The following DCC variants were observed in gnomAD, a reference collection of about 807,000 sequenced individuals.
DCC encodes netrin receptor DCC.
Under a neutral mutation model 172.5 loss-of-function variants are expected in DCC, and 58 were observed. That is an observed-to-expected ratio of 0.34 (90% CI 0.27 to 0.42). DCC has a LOEUF of 0.42. DCC is among the 10% of genes least tolerant of loss of function. The pLI, the probability that DCC is intolerant of heterozygous loss-of-function variation, is 1.00. For synonymous variants in DCC, 709 were observed against 644.5 expected (o/e 1.10, Z -1.52); for missense variants, 1,740 against 1,791.0 (o/e 0.97, Z 0.51).
chr18:52,415,578 G>T (rs1986992926), intron 1 of DCC, among the ~76,000 whole-genome samples: 1 of 152,132 alleles, frequency 6.6e-6, no homozygotes, highest in South Asian at 2.1e-4. Context: ...TAAATGCAAG[G>T]CTGGAAAGTG....
intron 25 of DCC, among the ~76,000 whole-genome samples, chr18:53,479,694 TA>T (rs2045809276): frequency 6.6e-6 from 1 of 152,174 alleles, no homozygotes; most frequent in Non-Finnish European, 1.5e-5. Context: ...TTGGTGAAAG[TA>T]AATATTTTAG....
intron 1 of DCC, among the ~76,000 whole-genome samples, chr18:52,522,212 A>G (rs2031841693): frequency 6.6e-6 from 1 of 152,232 alleles, no homozygotes; most frequent in South Asian, 2.1e-4. Flanking sequence ...CTACCTGTAC[A>G]TGGTTTTACC....
chr18:52,773,455 A>G (rs2037374884), intron 2 of DCC, among the ~76,000 whole-genome samples: 1 of 152,004 alleles, frequency 6.6e-6, no homozygotes, highest in Non-Finnish European at 1.5e-5. Context: ...ATTGATATAA[A>G]AAGTTTATAG....
chr18:52,737,730 G>C (rs2036751417), intron 1 of DCC, among the ~76,000 whole-genome samples: 1 of 152,112 alleles, frequency 6.6e-6, no homozygotes. Flanking sequence ...GGAAGCCAGA[G>C]AGCTAATAGA....
At chr18:52,984,169 A>G (rs2041255398) in intron 5 of DCC, among the ~76,000 whole-genome samples, 1 of 152,140 alleles carries the variant, frequency 6.6e-6, no homozygotes, top group Non-Finnish European at 1.5e-5. Context: ...TATGAGGTAT[A>G]ACAGAATGAT....
At chr18:53,174,820 T>A (rs372631420) in intron 8 of DCC, among the ~76,000 whole-genome samples, 22 of 151,796 alleles carry the variant, frequency 1.4e-4, no homozygotes, top group Non-Finnish European at 2.5e-4. Context: ...TCCCTAACTC[T>A]TTTTACGAGG....
At chr18:53,044,192 T>A (rs556865470) in intron 5 of DCC, among the ~76,000 whole-genome samples, 8 of 151,918 alleles carry the variant, frequency 5.3e-5, no homozygotes, top group African/African-American at 1.9e-4. Context: ...AAGAAGAGAA[T>A]TTGGAGTCAG....
At chr18:52,363,565 T>C (rs1409198285) in intron 1 of DCC, among the ~76,000 whole-genome samples, 2 of 152,194 alleles carry the variant, frequency 1.3e-5, no homozygotes, top group Non-Finnish European at 2.9e-5. Flanking sequence ...CAGGCAAAGA[T>C]GCAGTTCTCA....
intron 2 of DCC, among the ~76,000 whole-genome samples, chr18:52,803,817 AAAG>A (rs1342591154): frequency 6.6e-6 from 1 of 152,234 alleles, no homozygotes; most frequent in Admixed American, 6.5e-5. Context: ...GGAGTTTGTA[AAAG>A]AATAGGTAAT....
At chr18:52,697,899 C>T (rs1336571824) in intron 1 of DCC, among the ~76,000 whole-genome samples, 4 of 152,012 alleles carry the variant, frequency 2.6e-5, no homozygotes, top group African/African-American at 9.7e-5. Context: ...CTATATTTTT[C>T]TTCATTATCA....
chr18:53,225,866 TG>T (rs2056019594), intron 12 of DCC, among the ~76,000 whole-genome samples: 1 of 152,140 alleles, frequency 6.6e-6, no homozygotes, highest in African/African-American at 2.4e-5. Context: ...TTCAGTTTGA[TG>T]TTTTTCCAGG....
intron 28 of DCC, 53 bp downstream of exon 28, chr18:53,526,812 T>A: frequency 6.3e-7 from 1 of 1,599,266 alleles, no homozygotes; most frequent in Non-Finnish European, 8.6e-7. Flanking sequence ...TGACTGGCGC[T>A]GTGTAATAGC....
intron 5 of DCC, among the ~76,000 whole-genome samples, chr18:52,951,909 A>T (rs1205995305): frequency 6.6e-6 from 1 of 152,144 alleles, no homozygotes; most frequent in African/African-American, 2.4e-5. Flanking sequence ...CAAGTGTAGA[A>T]ATTTGCAGTG....
intron 1 of DCC, among the ~76,000 whole-genome samples, chr18:52,448,874 G>A (rs772942023): frequency 1.3e-5 from 2 of 152,194 alleles, no homozygotes; most frequent in Non-Finnish European, 2.9e-5. Context: ...TAGTTTCGTG[G>A]GATGTAAGGT....
At chr18:53,174,980 G>C (rs1373135038) in intron 8 of DCC, among the ~76,000 whole-genome samples, 2 of 152,082 alleles carry the variant, frequency 1.3e-5, no homozygotes, top group Admixed American at 6.6e-5. Context: ...TATTCACCAT[G>C]ATCAAGTGGG....
intron 9 of DCC, among the ~76,000 whole-genome samples, chr18:53,202,895 A>C (rs1049632843): frequency 6.6e-6 from 1 of 152,154 alleles, no homozygotes; most frequent in African/African-American, 2.4e-5. Context: ...TAAAAATATC[A>C]GTTGCCTGAA....
chr18:53,430,005 C>T (rs773230300), intron 21 of DCC, among the ~76,000 whole-genome samples: 3 of 152,012 alleles, frequency 2.0e-5, no homozygotes, highest in Admixed American at 6.6e-5. Flanking sequence ...GCCTGGTAAA[C>T]CGATCTTTTA....
chr18:52,607,464 G>A (rs1467405709), intron 1 of DCC, among the ~76,000 whole-genome samples: 2 of 152,128 alleles, frequency 1.3e-5, no homozygotes, highest in East Asian at 3.9e-4. Context: ...CAAATTCAAA[G>A]TGACCATAGA....
chr18:52,591,631 G>A (rs900764038), intron 1 of DCC, among the ~76,000 whole-genome samples: 2 of 151,726 alleles, frequency 1.3e-5, no homozygotes, highest in South Asian at 2.1e-4. Context: ...TTATTATTAC[G>A]TTTTGAGACA....
Sources: gnomAD v4.1 joint callset for allele counts (sites outside exome capture counted in the v4.1 genomes callset) on GRCh38, gnomAD v4.1.1 for gene constraint, MANE v1.5 for transcripts, NCBI Gene and HGNC (gene_info 2026-07-23, HGNC 2026-07-21) for gene names.